The following CNTNAP5 variants were observed in gnomAD, a reference collection of about 807,000 sequenced individuals.
CNTNAP5 encodes the protein contactin-associated protein-like 5.
A neutral mutation model predicts 150.2 loss-of-function variants in CNTNAP5; 72 were observed. The ratio of observed to expected loss-of-function variants is 0.48; its 90% CI spans 0.40 to 0.58. The LOEUF is 0.58. Among genes scored for constraint, CNTNAP5 ranks in the 20% least tolerant of loss-of-function variants. The probability of loss-of-function intolerance (pLI) is 0.00; values close to 1 mark genes in which losing one functional copy is unlikely to be tolerated. For missense variants in CNTNAP5, 1,636 were observed against 1,626.2 expected, an observed-to-expected ratio of 1.01 and a Z score of -0.10; for synonymous variants, 672 against 619.8, an observed-to-expected ratio of 1.08 and a Z score of -1.25.
intron 2 of CNTNAP5, among the ~76,000 whole-genome samples, chr2:124,231,984 T>C (rs2104754023): frequency 6.6e-6 from 1 of 152,288 alleles, no homozygotes; most frequent in African/African-American, 2.4e-5. Context: ...GAAGCGAATT[T>C]CATGTACTTC....
At chr2:124,848,032 G>T (rs546577397) in intron 19 of CNTNAP5, among the ~76,000 whole-genome samples, 2 of 152,200 alleles carry the variant, frequency 1.3e-5, no homozygotes, top group African/African-American at 4.8e-5. Context: ...ATACATTCAA[G>T]ATGTACAATG....
At chr2:124,662,026 G>A (rs928173021) in intron 13 of CNTNAP5, among the ~76,000 whole-genome samples, 2 of 151,852 alleles carry the variant, frequency 1.3e-5, no homozygotes. Context: ...GATAGGCCTC[G>A]GTGTGTGATC....
rs117643682 is a variant in CNTNAP5 at position 124,252,027 on chromosome 2, G to A, written c.381+9634G>A. On this transcript the variant is annotated intron_variant, in intron 3 of 23. Transcript: ENST00000682447. ...TAGATGAGAGAAAGGAAAATGCAGT[G>A]CAGGTGCAAATGACAGTGACCCAAA... 2.6e-5 allele frequency among the ~76,000 whole-genome samples: 4 copies of A among 152,270 alleles called. No homozygotes were observed. The East Asian group carries it at 7.7e-4, about 29-fold the overall frequency.
At chr2:124,512,735 A>G (rs2104873724) in intron 8 of CNTNAP5, among the ~76,000 whole-genome samples, 1 of 152,312 alleles carries the variant, frequency 6.6e-6, no homozygotes, top group South Asian at 2.1e-4. Context: ...AAACAAACAA[A>G]AATGTAAAAA....
At chr2:124,428,486 G>T (rs1484637871) in intron 4 of CNTNAP5, among the ~76,000 whole-genome samples, 1 of 152,186 alleles carries the variant, frequency 6.6e-6, no homozygotes, top group Non-Finnish European at 1.5e-5. Flanking sequence ...GATAGAGAGG[G>T]CATTGTACCT....
chr2:124,228,089 G>C (rs113042214), intron 2 of CNTNAP5, among the ~76,000 whole-genome samples: 1 of 152,050 alleles, frequency 6.6e-6, no homozygotes, highest in Non-Finnish European at 1.5e-5. Context: ...AAAGATCTGA[G>C]AACTGGGGGA....
intron 3 of CNTNAP5, among the ~76,000 whole-genome samples, chr2:124,264,757 AACAG>A (rs1201239681): frequency 6.6e-6 from 1 of 152,218 alleles, no homozygotes; most frequent in Non-Finnish European, 1.5e-5. Flanking sequence ...CCAGAGGCAG[AACAG>A]ACAGACAGCC....
chr2:124,658,715 A>G (rs756951175), intron 13 of CNTNAP5, among the ~76,000 whole-genome samples: 3 of 152,206 alleles, frequency 2.0e-5, no homozygotes, highest in Admixed American at 6.5e-5. Context: ...ACTGTAGCAT[A>G]TGTTTGTGTG....
chr2:124,542,015 A>C (rs1695397978), intron 10 of CNTNAP5, among the ~76,000 whole-genome samples: 1 of 151,998 alleles, frequency 6.6e-6, no homozygotes. Context: ...ATAGCCAAGA[A>C]TTATTCCTTT....
chr2:124,906,317 T>C (rs1365094731), intron 22 of CNTNAP5, among the ~76,000 whole-genome samples: 1 of 152,134 alleles, frequency 6.6e-6, no homozygotes, highest in Non-Finnish European at 1.5e-5. Context: ...CTAATATTGG[T>C]ATGAAATATG....
At chr2:124,181,913 C>A (rs1024457860) in intron 1 of CNTNAP5, among the ~76,000 whole-genome samples, 3 of 152,064 alleles carry the variant, frequency 2.0e-5, no homozygotes, top group Admixed American at 6.6e-5. Context: ...CCCTTTCAAT[C>A]CTGATTTAAT....
At position 124,120,912 on chromosome 2, in the gene CNTNAP5, G is replaced by T. The variant is rs77552980; in HGVS notation, c.82+95180G>T. ...TGCTCTTCTTTTTAAGTTGAGGAAGGCATGTGAGGGGTCTCTGTTGGATCT... is the reference window on the plus strand; with the variant it reads ...TGCTCTTCTTTTTAAGTTGAGGAAGTCATGTGAGGGGTCTCTGTTGGATCT... On this transcript the variant is annotated intron_variant, in intron 1 of 23. Coordinates refer to ENST00000682447, the MANE Select transcript of CNTNAP5 (RefSeq NM_001367498.1). Among the ~76,000 whole-genome samples, 3 of 152,238 alleles carry T rather than the reference G, an allele frequency of 2.0e-5. No individual in the cohort carries two copies. The East Asian group carries it at 5.8e-4, about 29-fold the overall frequency.
At chr2:124,775,312 C>T (rs1022888320) in intron 17 of CNTNAP5, among the ~76,000 whole-genome samples, 8 of 152,038 alleles carry the variant, frequency 5.3e-5, no homozygotes, top group Admixed American at 6.6e-5. Context: ...CCAAAATGAA[C>T]AATTGCATTC....
At position 124,664,812 on chromosome 2, in the gene CNTNAP5, G is replaced by A. The variant is rs186062983; in HGVS notation, c.2077+16854G>A. On this transcript the variant is annotated intron_variant, in intron 13 of 23. Transcript: ENST00000682447. ...AGCGATTCTTCTGCTTCAGCCTCCC[G>A]AGTAGCTGGGATTACAGGCATGTGC... is the stretch of plus-strand genomic sequence containing the variant. Among the ~76,000 whole-genome samples the A allele has an allele frequency of 1.7e-3, 263 of 152,250 alleles. No homozygotes were observed. The Middle Eastern group carries it at 0.024, about 14-fold the overall frequency.
In CNTNAP5 at chr2:124,035,989, A is replaced by G. The variant is rs1234340186; in HGVS notation, c.82+10257A>G. Among the ~76,000 whole-genome samples, 5 of 139,834 alleles carry G rather than the reference A, an allele frequency of 3.6e-5. No individual in the cohort carries two copies. The South Asian group carries it at 9.4e-4, about 26-fold the overall frequency. 91.7% of individuals were successfully genotyped at this position (139,834 alleles called of 152,430 possible). The stretch of plus-strand genomic sequence containing the variant: ...CCGGACTGCGGACTGCAGTGGCGCA[A>G]TCTCGGCTCACTGCAAGCTCCGCTT... On this transcript the variant is annotated intron_variant, in intron 1 of 23. Transcript: ENST00000682447.
At chr2:124,896,594 A>T (rs754308711) in intron 21 of CNTNAP5, among the ~76,000 whole-genome samples, 1 of 151,268 alleles carries the variant, frequency 6.6e-6, no homozygotes, top group Non-Finnish European at 1.5e-5. Flanking sequence ...GCTGGAGTGC[A>T]GTGGCCCAAT....
chr2:124,820,049 A>G (rs1682452025), intron 19 of CNTNAP5, among the ~76,000 whole-genome samples: 2 of 152,220 alleles, frequency 1.3e-5, no homozygotes, highest in Admixed American at 1.3e-4. Context: ...TCTCCCTTGC[A>G]GAAATGGGCC....
chr2:124,796,902 A>G (rs1681857377), intron 18 of CNTNAP5, among the ~76,000 whole-genome samples: 4 of 152,224 alleles, frequency 2.6e-5, no homozygotes, highest in Admixed American at 2.6e-4. Flanking sequence ...TACTGTATAG[A>G]GATAAAATTT....
At chr2:124,672,556 G>T (rs896593644) in intron 13 of CNTNAP5, among the ~76,000 whole-genome samples, 13 of 152,138 alleles carry the variant, frequency 8.5e-5, no homozygotes, top group African/African-American at 3.1e-4. Flanking sequence ...TGGTCCTCAA[G>T]GCCTTTAGGG....
Sources: gnomAD v4.1 joint callset for allele counts (sites outside exome capture counted in the v4.1 genomes callset) on GRCh38, gnomAD v4.1.1 for gene constraint, MANE v1.5 for transcripts, NCBI Gene and HGNC (gene_info 2026-07-23, HGNC 2026-07-21) for gene names.